GUCA1C: variants seen among roughly 807,000 people sequenced by gnomAD.
GUCA1C encodes guanylyl cyclase-activating protein 3.
In GUCA1C, 15 loss-of-function variants were observed where a neutral mutation model predicts 16.2. The observed-to-expected ratio is 0.93, with a 90% confidence interval of 0.62 to 1.43. The LOEUF (loss-of-function observed/expected upper bound fraction) is 1.43, where lower values mean the gene tolerates loss of function less well. GUCA1C is among the 40% of genes most tolerant of loss of function. GUCA1C has a pLI of 0.00. For synonymous variants in GUCA1C, 78 were observed against 85.4 expected (o/e 0.91, Z 0.48); for missense variants, 275 against 244.8 (o/e 1.12, Z -0.82).
At chr3:108,947,833 T>G (rs556199894) in intron 1 of GUCA1C, among the ~76,000 whole-genome samples, 6 of 152,360 alleles carry the variant, frequency 3.9e-5, no homozygotes, top group African/African-American at 1.4e-4. Flanking sequence ...TTTTAAATTT[T>G]GGTAGTTTTC....
At chr3:108,913,456 C>T (rs1179996992) in intron 3 of GUCA1C, among the ~76,000 whole-genome samples, 1 of 152,010 alleles carries the variant, frequency 6.6e-6, no homozygotes. Context: ...TATTATTCTT[C>T]TCTGTCAAAT....
chr3:108,952,374 G>C (rs185351594), intron 1 of GUCA1C, among the ~76,000 whole-genome samples: 290 of 152,264 alleles, frequency 1.9e-3, no homozygotes, highest in African/African-American at 6.5e-3. Context: ...TGCTTGCATT[G>C]ACACTAAGTA....
At chr3:108,953,488 G>GA (rs11330501) in intron 1 of GUCA1C, 71 bp downstream of exon 1, 28,834 of 861,650 alleles carry the variant, frequency 0.033, no homozygotes, top group East Asian at 0.046. Flanking sequence ...TATTTTACAG[G>GA]AAAAAAAAAA....
Position 108,949,662 on chromosome 3 carries a change from C to A in GUCA1C, c.204+3897G>T, listed in dbSNP as rs78311764. Among the ~76,000 whole-genome samples the A allele has an allele frequency of 4.1e-4, 63 of 152,260 alleles. 1 individual carries two copies. The East Asian group carries it at 0.011, about 28-fold the overall frequency. ...AAAATAGGTTCCATTACCATTGTGA[C>A]GGTTGAATGTATTCATCTATTCAGT... On this transcript the variant is annotated intron_variant, in intron 1 of 3. Transcript: ENST00000261047.
At chr3:108,945,348 G>A (rs932977377) in intron 1 of GUCA1C, among the ~76,000 whole-genome samples, 1 of 152,210 alleles carries the variant, frequency 6.6e-6, no homozygotes, top group East Asian at 1.9e-4. Context: ...CTGGTCTTTG[G>A]AGCCCACCTA....
At chr3:108,920,777 T>A (rs1390048109) in intron 1 of GUCA1C, among the ~76,000 whole-genome samples, 192 bp from the exon 2 acceptor site, 1 of 152,184 alleles carries the variant, frequency 6.6e-6, no homozygotes, top group Non-Finnish European at 1.5e-5. Flanking sequence ...ATTTTACAAT[T>A]AAGCGCCTTA....
At chr3:108,939,323 G>GTTTTTTTT (rs1491279760) in intron 1 of GUCA1C, among the ~76,000 whole-genome samples, 4 of 33,224 alleles carry the variant, frequency 1.2e-4, no homozygotes, top group African/African-American at 4.2e-4. Flanking sequence ...TTGCTTCAAG[G>GTTTTTTTT]CTTTTTTTTT....
intron 1 of GUCA1C, among the ~76,000 whole-genome samples, chr3:108,936,281 C>T (rs1946726789): frequency 6.6e-6 from 1 of 151,636 alleles, no homozygotes; most frequent in Admixed American, 6.6e-5. Context: ...GGCTTATGTA[C>T]ATGTGAAAAT....
intron 2 of GUCA1C, 117 bp from the exon 3 acceptor site, chr3:108,916,331 G>T (rs1317898605): frequency 6.1e-6 from 5 of 823,436 alleles, no homozygotes; most frequent in African/African-American, 3.4e-5. Context: ...TATCCAACCT[G>T]TACCAGTTGT....
chr3:108,925,774 G>A (rs1559843349), intron 1 of GUCA1C, among the ~76,000 whole-genome samples: 1 of 152,142 alleles, frequency 6.6e-6, no homozygotes, highest in Non-Finnish European at 1.5e-5. Context: ...CTTAGGTCTA[G>A]TAATAATTGT....
chr3:108,951,003 A>G (rs1166907878), intron 1 of GUCA1C, among the ~76,000 whole-genome samples: 1 of 152,204 alleles, frequency 6.6e-6, no homozygotes, highest in Non-Finnish European at 1.5e-5. Context: ...GAGGAGGTAG[A>G]AAAGTATGAA....
chr3:108,910,194 C>T (rs1946435379), intron 3 of GUCA1C, among the ~76,000 whole-genome samples: 1 of 152,130 alleles, frequency 6.6e-6, no homozygotes, highest in African/African-American at 2.4e-5. Context: ...CCAGAAGCTT[C>T]CCACTAAAGA....
intron 1 of GUCA1C, among the ~76,000 whole-genome samples, chr3:108,930,001 T>C (rs1416930939): frequency 6.6e-6 from 1 of 152,216 alleles, no homozygotes; most frequent in Non-Finnish European, 1.5e-5. Flanking sequence ...CTTATCCTGT[T>C]TTCTTATTGG....
At chr3:108,917,281 A>T (rs1946527521) in intron 2 of GUCA1C, among the ~76,000 whole-genome samples, 1 of 152,210 alleles carries the variant, frequency 6.6e-6, no homozygotes, top group South Asian at 2.1e-4. Context: ...ATATTAGCCC[A>T]CATAAAAAGT....
intron 1 of GUCA1C, among the ~76,000 whole-genome samples, chr3:108,935,109 G>A (rs2399259): frequency 0.36 from 55,029 of 151,644 alleles, 10,724 homozygotes; most frequent in Non-Finnish European, 0.43. Context: ...CACCACACCT[G>A]GCCTGTTCTT....
chr3:108,947,851 T>C (rs1946857475), intron 1 of GUCA1C, among the ~76,000 whole-genome samples: 1 of 152,252 alleles, frequency 6.6e-6, no homozygotes, highest in Non-Finnish European at 1.5e-5. Context: ...TTCCTTGTAC[T>C]TTGCCTTGTT....
chr3:108,924,475 T>A (rs1946602374), intron 1 of GUCA1C, among the ~76,000 whole-genome samples: 2 of 152,178 alleles, frequency 1.3e-5, no homozygotes, highest in Admixed American at 6.5e-5. Context: ...CATCCCTGCA[T>A]CCCTAATATA....
intron 1 of GUCA1C, among the ~76,000 whole-genome samples, chr3:108,937,134 G>A (rs916918423): frequency 2.0e-4 from 30 of 152,112 alleles, no homozygotes; most frequent in African/African-American, 6.8e-4. Context: ...AACTGACCTT[G>A]TTGTTAATCT....
At chr3:108,916,352 T>C in intron 2 of GUCA1C, 138 bp from the exon 3 acceptor site, 1 of 701,472 alleles carries the variant, frequency 1.4e-6, no homozygotes, top group Non-Finnish European at 2.4e-6. Flanking sequence ...TAAAAGTAAA[T>C]AAAAAGAAAA....
Sources: allele counts gnomAD v4.1 joint callset (sites outside exome capture counted in the v4.1 genomes callset), GRCh38; gene constraint gnomAD v4.1.1; transcripts MANE v1.5; gene names NCBI Gene and HGNC (gene_info 2026-07-23, HGNC 2026-07-21).